RGS6: variants seen among roughly 807,000 people sequenced by gnomAD.
The protein encoded by RGS6 is regulator of G protein signaling 6, also known as regulator of G-protein signaling 6.
Under a neutral mutation model 78.5 loss-of-function variants are expected in RGS6, and 30 were observed. That is an observed-to-expected ratio of 0.38 (90% confidence interval 0.29 to 0.52). The LOEUF is 0.52. Ranked by LOEUF, RGS6 falls within the 20% of genes least tolerant of loss-of-function variation. The pLI is 0.85. For missense variants in RGS6, 495 were observed against 609.7 expected (o/e 0.81, Z 1.98); for synonymous variants, 206 against 206.0 (o/e 1.00, Z 0.00).
chr14:72,044,478 C>A (rs1359371532), intron 2 of RGS6, among the ~76,000 whole-genome samples: 1 of 152,082 alleles, frequency 6.6e-6, no homozygotes, highest in Non-Finnish European at 1.5e-5. Flanking sequence ...CTTTCTCTCC[C>A]CTTCTCTCTC....
intron 2 of RGS6, among the ~76,000 whole-genome samples, chr14:72,071,906 C>T (rs1343327104): frequency 6.6e-6 from 1 of 152,224 alleles, no homozygotes. Flanking sequence ...ACATCAACTG[C>T]TTTTGCATTG....
intron 2 of RGS6, among the ~76,000 whole-genome samples, chr14:72,323,443 A>C (rs1250099505): frequency 6.6e-6 from 1 of 152,044 alleles, no homozygotes; most frequent in East Asian, 1.9e-4. Context: ...GCAATAAAAA[A>C]AAAAACAATA....
At chr14:72,112,045 CG>C in intron 2 of RGS6, among the ~76,000 whole-genome samples, 1 of 152,302 alleles carries the variant, frequency 6.6e-6, no homozygotes, top group South Asian at 2.1e-4. Context: ...CATTGGCATG[CG>C]GAGCTCTGGG....
the RGS6 span, among the ~76,000 whole-genome samples, chr14:71,894,504 G>A: frequency 8.1e-4 from 123 of 152,304 alleles, no homozygotes; most frequent in Admixed American, 2.5e-3. Context: ...ACCCTACTCT[G>A]TCTATGGAGC....
intron 2 of RGS6, among the ~76,000 whole-genome samples, chr14:72,239,271 G>C (rs1044419918): frequency 1.3e-5 from 2 of 152,162 alleles, no homozygotes; most frequent in Non-Finnish European, 1.5e-5. Context: ...TTAGGAAGTT[G>C]TATGCATGCC....
the RGS6 span, among the ~76,000 whole-genome samples, chr14:71,907,166 C>T: frequency 1.3e-5 from 2 of 152,282 alleles, no homozygotes; most frequent in South Asian, 4.1e-4. Flanking sequence ...CATGAGGCTA[C>T]GGTCCAGAGG....
At chr14:71,984,313 A>C (rs59222308) in intron 2 of RGS6, among the ~76,000 whole-genome samples, 40 of 81,008 alleles carry the variant, frequency 4.9e-4, no homozygotes, top group East Asian at 4.8e-3. Flanking sequence ...AAAAAAAAAA[A>C]AAAAAAAAAC....
intron 2 of RGS6, among the ~76,000 whole-genome samples, chr14:72,148,674 G>T (rs891354082): frequency 1.3e-5 from 2 of 152,118 alleles, no homozygotes; most frequent in Non-Finnish European, 2.9e-5. Context: ...GTGGGGGCAG[G>T]GTTATTAGCA....
At chr14:72,417,068 G>A (rs114729148) in intron 3 of RGS6, among the ~76,000 whole-genome samples, 307 of 152,266 alleles carry the variant, frequency 2.0e-3, no homozygotes, top group South Asian at 0.01. Flanking sequence ...TCAGTGGAAC[G>A]TCACCCTTCA....
intron 6 of RGS6, among the ~76,000 whole-genome samples, chr14:72,465,102 C>T (rs1018423721): frequency 6.6e-6 from 1 of 152,190 alleles, no homozygotes; most frequent in Non-Finnish European, 1.5e-5. Flanking sequence ...AAAAAGGACA[C>T]ATATGCAAAA....
chr14:72,580,837 G>C, the RGS6 span, among the ~76,000 whole-genome samples: 8 of 152,196 alleles, frequency 5.3e-5, no homozygotes, highest in African/African-American at 1.9e-4. Flanking sequence ...CCTCAGGAGT[G>C]AGCAGGGTCT....
intron 2 of RGS6, among the ~76,000 whole-genome samples, chr14:72,313,118 T>C (rs760044624): frequency 3.3e-5 from 5 of 152,228 alleles, no homozygotes; most frequent in Non-Finnish European, 7.3e-5. Context: ...TGTCAGTACC[T>C]TGTGTCTCAA....
chr14:71,940,940 A>G (rs1196083703), intron 1 of RGS6, among the ~76,000 whole-genome samples: 1 of 152,130 alleles, frequency 6.6e-6, no homozygotes, highest in African/African-American at 2.4e-5. Flanking sequence ...GAGATCAGGC[A>G]TTTCCAGCTC....
intron 13 of RGS6, among the ~76,000 whole-genome samples, chr14:72,505,482 A>T (rs749361289): frequency 1.3e-5 from 2 of 152,210 alleles, no homozygotes; most frequent in Non-Finnish European, 2.9e-5. Flanking sequence ...ATACGATCAC[A>T]TTGTGGATCA....
chr14:72,086,443 G>A (rs1219012618), intron 2 of RGS6, among the ~76,000 whole-genome samples: 2 of 152,190 alleles, frequency 1.3e-5, no homozygotes, highest in East Asian at 1.9e-4. Context: ...GGGCATTTTT[G>A]TAATACTATG....
chr14:72,201,432 C>T (rs191216860), intron 2 of RGS6, among the ~76,000 whole-genome samples: 18 of 152,168 alleles, frequency 1.2e-4, no homozygotes, highest in African/African-American at 4.8e-5. Context: ...GATGGAGAAA[C>T]GGGGGAATTC....
intron 2 of RGS6, among the ~76,000 whole-genome samples, chr14:72,271,523 C>T (rs2059933245): frequency 6.6e-6 from 1 of 152,172 alleles, no homozygotes; most frequent in African/African-American, 2.4e-5. Context: ...CCACTGTAGA[C>T]ATGACCAAGT....
chr14:72,573,115 G>A, the RGS6 span, among the ~76,000 whole-genome samples: 1,079 of 152,316 alleles, frequency 7.1e-3, 13 homozygotes, highest in African/African-American at 0.024. Context: ...ATCCCAGAGC[G>A]AGTGGTCCAT....
intron 3 of RGS6, among the ~76,000 whole-genome samples, chr14:72,379,641 G>T (rs972867862): frequency 2.0e-5 from 3 of 151,892 alleles, no homozygotes; most frequent in African/African-American, 4.8e-5. Context: ...ACCTTTGTAA[G>T]GAAAACTACA....
Sources: gnomAD v4.1 joint callset for allele counts (sites outside exome capture counted in the v4.1 genomes callset) on GRCh38, gnomAD v4.1.1 for gene constraint, MANE v1.5 for transcripts, NCBI Gene and HGNC (gene_info 2026-07-23, HGNC 2026-07-21) for gene names.